The following GTF3C1 variants were observed in gnomAD, a reference collection of about 807,000 sequenced individuals.
GTF3C1 encodes general transcription factor IIIC subunit 1.
In GTF3C1, 57 loss-of-function variants were observed where a neutral mutation model predicts 226.7. The observed-to-expected ratio is 0.25, with a 90% CI of 0.20 to 0.31. The LOEUF is 0.31. Ranked by LOEUF, GTF3C1 falls within the 10% of genes least tolerant of loss-of-function variation. The pLI is 1.00. For missense variants in GTF3C1, 2,217 were observed against 2,776.1 expected, an observed-to-expected ratio of 0.80 and a Z score of 4.53; for synonymous variants, 1,090 against 1,084.8, an observed-to-expected ratio of 1.00 and a Z score of -0.09.
At chr16:27,501,127 A>T (rs542543606) in intron 12 of GTF3C1, 64 bp downstream of exon 12, 15 of 1,348,490 alleles carry the variant, frequency 1.1e-5, no homozygotes, top group Middle Eastern at 2.4e-4. Flanking sequence ...ATGACAAGAG[A>T]AGCTAGACAA....
At chr16:27,518,872 T>C (rs2088702657) in intron 6 of GTF3C1, among the ~76,000 whole-genome samples, 1 of 152,208 alleles carries the variant, frequency 6.6e-6, no homozygotes, top group African/African-American at 2.4e-5. Flanking sequence ...ATGCCTAGAA[T>C]AAGCTGGTAG....
Position 27,470,143 on chromosome 16 carries a change from TACC to T in GTF3C1, c.4776_4778del (p.Val1593del). Reference sequence around the variant, plus strand: ...CCTCATTCTCCACCATTGAGCTGTCTACCACGATGATCTGCTCCGGGATCCTGA... The same window carrying T: ...CCTCATTCTCCACCATTGAGCTGTCTACGATGATCTGCTCCGGGATCCTGA... On this transcript the variant is annotated inframe_deletion, in exon 31 of 37. Coordinates refer to ENST00000356183, the MANE Select transcript of GTF3C1 (RefSeq NM_001520.4). This position sits in a 1 kb window ranked among gnomAD's most constrained non-coding sequence, Gnocchi z 4.9. 6.2e-7 allele frequency: 1 copy of T among 1,614,116 alleles called. No individual in the cohort carries two copies. The highest frequency in any genetic ancestry group is 8.5e-7 in the Non-Finnish European group (1 of 1,179,956).
In GTF3C1 at chr16:27,469,481, GC is replaced by G. The variant is rs1399327463; in HGVS notation, c.4883del (p.Gly1628AlafsTer8). 6.2e-7 allele frequency: 1 copy of G among 1,614,068 alleles called. No individual in the cohort carries two copies. Among genetic ancestry groups the G allele is most frequent in the Non-Finnish European group, 8.5e-7 (1 of 1,180,018 alleles). On this transcript the variant is annotated frameshift_variant, in exon 32 of 37. Coordinates refer to ENST00000356183, the MANE Select transcript of GTF3C1 (RefSeq NM_001520.4). LOFTEE classifies it high-confidence loss of function. The surrounding 1 kb of genome is among the most constrained non-coding windows in gnomAD (Gnocchi z 4.5). ...GTTTCACCTCCATGCTCCGGCGCTT[GC>G]CCCCTACACCTTCGTCCAAGTCATC... ...EEDDLDEGVG[G>X]KRRSMEVKPA...
chr16:27,466,733 A>C (rs2087792242), intron 32 of GTF3C1, among the ~76,000 whole-genome samples: 1 of 152,250 alleles, frequency 6.6e-6, no homozygotes, highest in Non-Finnish European at 1.5e-5. Context: ...GGAAATTAAA[A>C]GTGCTACTCC....
rs370190480 is a variant in GTF3C1 at position 27,464,604 on chromosome 16, C to T, written c.5588G>A (p.Arg1863His). Reference protein sequence around the residue: ...PSHSPRGTKRRASWASENGET... With the variant: ...PSHSPRGTKRHASWASENGET... ...CCCATTCTCACTGGCCCAGCTGGCGCGCCTCTTGGTGCCCCGGGGGCTGTG... is the reference window on the plus strand; with the variant it reads ...CCCATTCTCACTGGCCCAGCTGGCGTGCCTCTTGGTGCCCCGGGGGCTGTG... Residue 1863 changes from arginine (R) to histidine (H), a missense_variant, in exon 34 of 37, where the codon CGC becomes CAC. By Grantham distance (29) the Arg-to-His change is conservative. Around this residue, in one of 12 missense-constraint regions of GTF3C1, gnomAD observed 455 missense variants for 441.9 expected, o/e 1.03. Transcript: ENST00000356183. The T allele has an allele frequency of 3.9e-5, 59 of 1,494,360 alleles. No homozygotes were observed. The highest frequency in any genetic ancestry group is 3.6e-4 in the Middle Eastern group (2 of 5,538). 92.6% of individuals were successfully genotyped at this position (1,494,360 alleles called of 1,614,324 possible).
At position 27,507,230 on chromosome 16, in the gene GTF3C1, C is replaced by T; in HGVS notation, c.1243-74G>A. The stretch of plus-strand genomic sequence containing the variant: ...CCACAGGGGTTCAGGTGGTCTGTGG[C>T]ATCTATTTCCTTATTGGCTTTCTTC... On this transcript the variant is annotated intron_variant, in intron 8 of 36. Transcript: ENST00000356183. This position sits in a 1 kb window ranked among gnomAD's most constrained non-coding sequence, Gnocchi z 4.9. 1 of 1,127,074 alleles carries T rather than the reference C, an allele frequency of 8.9e-7. No homozygotes were observed. Among genetic ancestry groups the T allele is most frequent in the South Asian group, 1.5e-5 (1 of 68,006 alleles). The allele number at this position is 1,127,074 out of a possible 1,614,324, so 69.8% of individuals were successfully genotyped here.
Position 27,484,317 on chromosome 16 carries a change from C to G in GTF3C1, c.3895G>C (p.Asp1299His). ...GPFVTWQVVR[D>H]ILHATFEESL... ...TCTTCAAACGTGGCATGCAAAATGT[C>G]CCGTACCACCTGCCAGGTGACAAAT... is the stretch of plus-strand genomic sequence containing the variant. Residue 1299 changes from aspartate to histidine, a missense_variant, in exon 25 of 37, where the codon GAC (aspartate) becomes CAC (histidine). Around this residue, in one of 12 missense-constraint regions of GTF3C1, gnomAD observed 546 missense variants for 663.0 expected, o/e 0.82. Transcript: ENST00000356183. The G allele has an allele frequency of 6.2e-7, 1 of 1,610,162 alleles. No individual in the cohort carries two copies. Among genetic ancestry groups the G allele is most frequent in the Non-Finnish European group, 8.5e-7 (1 of 1,176,420 alleles).
chr16:27,470,232 G>A lies in GTF3C1; in HGVS notation c.4690C>T (p.Pro1564Ser), dbSNP rs775525539. The change falls in exon 31 of 37, where the codon CCT becomes TCT. Residue 1564 changes from proline to serine, a missense_variant. By Grantham distance (74) the Pro-to-Ser change is moderately conservative (BLOSUM62 -1). Transcript: ENST00000356183. This position sits in a 1 kb window ranked among gnomAD's most constrained non-coding sequence, Gnocchi z 4.9. ...NDMVAFSLDG[P>S]GGNCVAVLTL... ...AGGACGGCCACACAATTTCCTCCAG[G>A]GCCGTCCAGTGAAAAGGCCACCATG... 1.9e-6 allele frequency: 3 copies of A among 1,613,722 alleles called. No individual in the cohort carries two copies. The highest frequency in any genetic ancestry group is 1.7e-6 in the Non-Finnish European group (2 of 1,179,676).
chr16:27,541,249 A>T (rs1383509016), intron 2 of GTF3C1, among the ~76,000 whole-genome samples: 2 of 152,160 alleles, frequency 1.3e-5, no homozygotes, highest in Non-Finnish European at 2.9e-5. Context: ...CTGCTCCTGG[A>T]GGTAAGAGGT....
At chr16:27,485,731 C>T (rs2088128458) in intron 24 of GTF3C1, among the ~76,000 whole-genome samples, 1 of 152,202 alleles carries the variant, frequency 6.6e-6, no homozygotes, top group African/African-American at 2.4e-5. Flanking sequence ...AGTCCCAGGA[C>T]TATGAGAGGC....
chr16:27,503,166 C>G (rs2088433512), intron 10 of GTF3C1, among the ~76,000 whole-genome samples, 171 bp from the exon 11 acceptor site: 1 of 152,182 alleles, frequency 6.6e-6, no homozygotes, highest in African/African-American at 2.4e-5. Context: ...TCTACCATCT[C>G]AATGCTTTGA....
At chr16:27,512,946 C>G (rs984780288) in intron 6 of GTF3C1, among the ~76,000 whole-genome samples, 29 of 152,138 alleles carry the variant, frequency 1.9e-4, no homozygotes, top group Admixed American at 3.9e-4. Context: ...CTGTGATACG[C>G]GACAACCTGG....
rs1363719478 is a variant in GTF3C1, at chr16:27,469,401, C to T, written c.4964G>A (p.Gly1655Asp). The stretch of plus-strand genomic sequence containing the variant: ...GTTGAGGTTGCGGGTGCTGACGATG[C>T]CGGGGGAGTAGTAGCCCCTCATCAG... ...YLLMRGYYSP[G>D]IVSTRNLNPN... The change falls in exon 32 of 37, where the codon GGC (glycine) becomes GAC (aspartate). Residue 1655 changes from glycine (G) to aspartate (D), a missense_variant. By Grantham distance (94) the Gly-to-Asp change is moderately conservative (BLOSUM62 -1). Around this residue, in one of 12 missense-constraint regions of GTF3C1, gnomAD observed 455 missense variants for 441.9 expected, o/e 1.03. Transcript: ENST00000356183. This position sits in a 1 kb window ranked among gnomAD's most constrained non-coding sequence, Gnocchi z 4.5. 1 of 1,613,736 alleles carries T rather than the reference C, an allele frequency of 6.2e-7. No individual in the cohort carries two copies. Among genetic ancestry groups the T allele is most frequent in the Admixed American group, 1.7e-5 (1 of 59,926 alleles).
chr16:27,500,142 T>G (rs1234291549), intron 12 of GTF3C1, among the ~76,000 whole-genome samples: 1 of 152,218 alleles, frequency 6.6e-6, no homozygotes, highest in African/African-American at 2.4e-5. Flanking sequence ...GGGGGGTTCC[T>G]GTCTTCAGTG....
At chr16:27,543,078 T>C (rs1476020099) in intron 2 of GTF3C1, among the ~76,000 whole-genome samples, 1 of 152,150 alleles carries the variant, frequency 6.6e-6, no homozygotes, top group African/African-American at 2.4e-5. Context: ...CAAAGAGCCT[T>C]TAGAAGCAGT....
At chr16:27,493,171 T>C (rs778118672) in intron 17 of GTF3C1, 28 bp downstream of exon 17, 3 of 1,220,316 alleles carry the variant, frequency 2.5e-6, no homozygotes, top group Non-Finnish European at 3.7e-6. Context: ...GACCTGCGAC[T>C]ACTCTGGGTC....
intron 2 of GTF3C1, among the ~76,000 whole-genome samples, chr16:27,543,318 G>A (rs748956929): frequency 4.6e-5 from 7 of 152,140 alleles, no homozygotes; most frequent in Admixed American, 1.3e-4. Flanking sequence ...CCTGAGAGGC[G>A]GAGGTTGCAG....
chr16:27,491,787 C>G (rs1354525964), intron 19 of GTF3C1, among the ~76,000 whole-genome samples: 1 of 152,202 alleles, frequency 6.6e-6, no homozygotes, highest in Non-Finnish European at 1.5e-5. Flanking sequence ...ACATACCACT[C>G]AAGGCTTCAG....
Position 27,462,792 on chromosome 16 carries a change from C to T in GTF3C1, c.5925-306G>A, listed in dbSNP as rs2087725705. ...GTTGTGACTCCTGGACTTGCCAGCT[C>T]TACTGGCAGCCCAGGCAGAAACCAC... On this transcript the variant is annotated intron_variant, in intron 35 of 36. Transcript: ENST00000356183. The surrounding 1 kb of genome is among the most constrained non-coding windows in gnomAD (Gnocchi z 4.5). The T allele has an allele frequency of 5.5e-6, 2 of 362,610 alleles. No homozygotes were observed. Among genetic ancestry groups the T allele is most frequent in the Admixed American group, 3.9e-5 (1 of 25,850 alleles). 22.5% of individuals were successfully genotyped at this position (362,610 alleles called of 1,614,324 possible).
Sources: allele counts gnomAD v4.1 joint callset (sites outside exome capture counted in the v4.1 genomes callset), GRCh38; gene constraint gnomAD v4.1.1; regional missense constraint gnomAD v4.1.1; non-coding constraint Gnocchi (gnomAD v3.1); transcripts MANE v1.5; gene names NCBI Gene and HGNC (gene_info 2026-07-23, HGNC 2026-07-21).